MYCBP2: variants seen among roughly 807,000 people sequenced by gnomAD.
The protein encoded by MYCBP2 is MYC binding protein 2, also known as E3 ubiquitin-protein ligase MYCBP2.
A neutral mutation model predicts 525.3 loss-of-function variants in MYCBP2; 120 were observed. The ratio of observed to expected loss-of-function variants is 0.23; its 90% CI spans 0.20 to 0.27. The LOEUF (loss-of-function observed/expected upper bound fraction) is 0.27. MYCBP2 is among the 10% of genes least tolerant of loss of function. The pLI, the probability that MYCBP2 is intolerant of heterozygous loss-of-function variation, is 1.00. For synonymous variants in MYCBP2, 1,894 were observed against 1,955.8 expected, an observed-to-expected ratio of 0.97 and a Z score of 0.83; for missense variants, 4,149 against 5,657.1, an observed-to-expected ratio of 0.73 and a Z score of 8.55.
At chr13:77,146,129 G>A in intron 48 of MYCBP2, 33 bp downstream of exon 48, 1 of 1,458,670 alleles carries the variant, frequency 6.9e-7, no homozygotes, top group Non-Finnish European at 9.3e-7. Flanking sequence ...GACAACACAT[G>A]TTTTGGTTAT....
At chr13:77,246,114 T>C (rs2069886129) in intron 15 of MYCBP2, among the ~76,000 whole-genome samples, 1 of 152,180 alleles carries the variant, frequency 6.6e-6, no homozygotes, top group African/African-American at 2.4e-5. Flanking sequence ...ATGTAGTTCA[T>C]CAGATCAGTT....
At chr13:77,296,851 T>G (rs2154366736) in intron 1 of MYCBP2, among the ~76,000 whole-genome samples, 177 bp from the exon 2 acceptor site, 1 of 152,290 alleles carries the variant, frequency 6.6e-6, no homozygotes, top group African/African-American at 2.4e-5. Context: ...AAGTAGCTAT[T>G]GAGAAGATAA....
chr13:77,306,391 G>C (rs2079419948), intron 1 of MYCBP2, among the ~76,000 whole-genome samples: 1 of 152,188 alleles, frequency 6.6e-6, no homozygotes, highest in Non-Finnish European at 1.5e-5. Context: ...ATAAGAAAGA[G>C]ATTTTAACAG....
intron 54 of MYCBP2, among the ~76,000 whole-genome samples, chr13:77,123,315 A>G (rs535406665): frequency 8.5e-5 from 13 of 152,344 alleles, no homozygotes; most frequent in African/African-American, 2.9e-4. Context: ...GTCTGTATCT[A>G]TACATCAAGA....
chr13:77,165,216 A>G, intron 42 of MYCBP2, 57 bp downstream of exon 42: 1 of 1,434,790 alleles, frequency 7.0e-7, no homozygotes, highest in Non-Finnish European at 9.8e-7. Flanking sequence ...AGCACAACTC[A>G]CTAGCCCTTA....
intron 21 of MYCBP2, among the ~76,000 whole-genome samples, chr13:77,212,704 T>G (rs1309022248): frequency 1.3e-5 from 2 of 152,208 alleles, no homozygotes; most frequent in Admixed American, 6.5e-5. Flanking sequence ...TGTTTTAAAA[T>G]AAACAGCACA....
intron 68 of MYCBP2, chr13:77,075,675 G>C (rs535609264): frequency 6.6e-6 from 1 of 151,354 alleles, no homozygotes; most frequent in East Asian, 1.9e-4. Flanking sequence ...ATTTCTTTTT[G>C]GGGGGGGTGA....
intron 55 of MYCBP2, among the ~76,000 whole-genome samples, chr13:77,108,806 C>T (rs1007546825): frequency 1.3e-5 from 2 of 151,880 alleles, no homozygotes; most frequent in African/African-American, 4.8e-5. Context: ...CAGGTTTACA[C>T]CATTCTCCCG....
intron 46 of MYCBP2, among the ~76,000 whole-genome samples, chr13:77,154,023 G>A (rs532662222): frequency 6.6e-6 from 1 of 152,218 alleles, no homozygotes; most frequent in South Asian, 2.1e-4. Context: ...AATATTAGCT[G>A]CAAATCAACT....
At chr13:77,090,329 A>AT in intron 59 of MYCBP2, 66 bp from the exon 60 acceptor site, 1 of 1,300,118 alleles carries the variant, frequency 7.7e-7, no homozygotes, top group East Asian at 2.5e-5. Context: ...CTATACTTAT[A>AT]ATGATGCAAA....
At chr13:77,246,641 G>A (rs1293946422) in intron 15 of MYCBP2, among the ~76,000 whole-genome samples, 2 of 141,194 alleles carry the variant, frequency 1.4e-5, no homozygotes, top group East Asian at 4.3e-4. Context: ...AGAAAGAGAA[G>A]AAAGGGAGGA....
At chr13:77,145,270 C>A (rs548352419) in intron 48 of MYCBP2, among the ~76,000 whole-genome samples, 1 of 152,322 alleles carries the variant, frequency 6.6e-6, no homozygotes, top group African/African-American at 2.4e-5. Context: ...CTCTCAGTAG[C>A]ATCTGATAGC....
intron 7 of MYCBP2, among the ~76,000 whole-genome samples, chr13:77,269,489 T>A (rs1375057462): frequency 6.6e-6 from 1 of 151,902 alleles, no homozygotes; most frequent in Non-Finnish European, 1.5e-5. Flanking sequence ...TACAAAAAAA[T>A]TAGCTAGGCA....
intron 55 of MYCBP2, among the ~76,000 whole-genome samples, chr13:77,107,991 G>A (rs1395869634): frequency 6.6e-6 from 1 of 151,986 alleles, no homozygotes; most frequent in Non-Finnish European, 1.5e-5. Flanking sequence ...AAAAGAATTA[G>A]ACTAAAGATT....
At chr13:77,184,733 A>G (rs2060565817) in intron 32 of MYCBP2, among the ~76,000 whole-genome samples, 1 of 152,222 alleles carries the variant, frequency 6.6e-6, no homozygotes, top group African/African-American at 2.4e-5. Flanking sequence ...GAACAATGCT[A>G]GTATGACTGT....
chr13:77,164,370 G>T, intron 43 of MYCBP2, 84 bp downstream of exon 43: 1 of 815,258 alleles, frequency 1.2e-6, no homozygotes. Flanking sequence ...AATTCATTTT[G>T]CAAATCTATT....
At chr13:77,301,309 G>C (rs1279275123) in intron 1 of MYCBP2, among the ~76,000 whole-genome samples, 1 of 151,554 alleles carries the variant, frequency 6.6e-6, no homozygotes, top group Non-Finnish European at 1.5e-5. Context: ...CCAGCAACTA[G>C]GGAGGCGGAG....
chr13:77,189,570 C>T (rs1301002812), intron 29 of MYCBP2, among the ~76,000 whole-genome samples: 1 of 152,042 alleles, frequency 6.6e-6, no homozygotes, highest in African/African-American at 2.4e-5. Context: ...AGTTCTAGAC[C>T]ATTTCCTTTG....
At chr13:77,083,000 A>G (rs957154436) in intron 63 of MYCBP2, 32 bp downstream of exon 63, 5 of 1,581,948 alleles carry the variant, frequency 3.2e-6, no homozygotes, top group Non-Finnish European at 4.3e-6. Flanking sequence ...CTCTTGTCCA[A>G]TGTACCTAGG....
Sources: allele counts gnomAD v4.1 joint callset (sites outside exome capture counted in the v4.1 genomes callset), GRCh38; gene constraint gnomAD v4.1.1; transcripts MANE v1.5; gene names NCBI Gene and HGNC (gene_info 2026-07-23, HGNC 2026-07-21).